Variants in TEX48 observed in about 807,000 individuals in gnomAD.
The protein encoded by TEX48 is testis-expressed protein 48.
Under a neutral mutation model 13.2 loss-of-function variants are expected in TEX48, and 10 were observed. The observed-to-expected ratio is 0.75, with a 90% CI of 0.47 to 1.28. The LOEUF is 1.28. Among genes scored for constraint, TEX48 ranks in the 50% most tolerant of loss-of-function variants. The probability of loss-of-function intolerance (pLI) is 0.00; values close to 1 mark genes in which losing one functional copy is unlikely to be tolerated. For missense variants in TEX48, 116 were observed against 139.4 expected, an observed-to-expected ratio of 0.83 and a Z score of 0.84; for synonymous variants, 45 against 52.3, an observed-to-expected ratio of 0.86 and a Z score of 0.60.
At chr9:114,681,114 T>C (rs1828191303) in intron 1 of TEX48, among the ~76,000 whole-genome samples, 1 of 152,214 alleles carries the variant, frequency 6.6e-6, no homozygotes, top group African/African-American at 2.4e-5. Flanking sequence ...TCTTTTTCTC[T>C]CTTTTTAATG....
chr9:114,677,644 T>C (rs962712403), intron 1 of TEX48, among the ~76,000 whole-genome samples: 1 of 152,176 alleles, frequency 6.6e-6, no homozygotes, highest in Non-Finnish European at 1.5e-5. Context: ...CCTGAGTGTC[T>C]GGAGTTTTAC....
chr9:114,677,324 T>A (rs1263557305), intron 1 of TEX48, among the ~76,000 whole-genome samples: 2 of 152,078 alleles, frequency 1.3e-5, no homozygotes, highest in Non-Finnish European at 2.9e-5. Flanking sequence ...TTAGCTCTGA[T>A]GTATTTCATT....
At chr9:114,679,526 T>A (rs767765891) in intron 1 of TEX48, among the ~76,000 whole-genome samples, 1 of 152,176 alleles carries the variant, frequency 6.6e-6, no homozygotes, top group Non-Finnish European at 1.5e-5. Context: ...AAGGGCATTG[T>A]CTATAAATAT....
rs1827880703 is a variant in TEX48 at position 114,668,321 on chromosome 9, CT to C, written c.143del (p.Lys48ArgfsTer24). 2 of 1,535,666 alleles carry C rather than the reference CT, an allele frequency of 1.3e-6. No homozygotes were observed. The highest frequency in any genetic ancestry group is 1.7e-6 in the Non-Finnish European group (2 of 1,146,892). On this transcript the variant is annotated frameshift_variant, in exon 4 of 5. Coordinates refer to ENST00000436752, the MANE Select transcript of TEX48 (RefSeq NM_001199233.2). LOFTEE classifies it high-confidence loss of function. ...TGGGATTTTGTCTGTCAAGCTCATC[CT>C]TCTGAAGCAGCAAATCTGGCAATGA... is the stretch of plus-strand genomic sequence containing the variant. ...KPSTQNLLLQ[K>X]DELDRQNPKR...
chr9:114,674,779 C>T (rs1284854585), intron 1 of TEX48, among the ~76,000 whole-genome samples: 1 of 151,574 alleles, frequency 6.6e-6, no homozygotes, highest in African/African-American at 2.4e-5. Context: ...CTTCTGGGCT[C>T]CTCCTGCCTC....
chr9:114,666,713 TA>T lies in TEX48; in HGVS notation c.292del (p.Tyr98ThrfsTer5). On this transcript the variant is annotated frameshift_variant, in exon 5 of 5. Coordinates refer to ENST00000436752, the MANE Select transcript of TEX48 (RefSeq NM_001199233.2). LOFTEE classifies it high-confidence loss of function. ...GCAGTAGCGGTTTAAGTTTCTCTTG[TA>T]AAAATTTCTTTGGGAAGCATATGCA... The part of the protein sequence containing the change: ...LNAYASQRNF[Y>X]KRNLNRYCQE... 6.5e-7 allele frequency: 1 copy of T among 1,534,918 alleles called. No homozygotes were observed. The highest frequency in any genetic ancestry group is 8.7e-7 in the Non-Finnish European group (1 of 1,146,282).
chr9:114,667,771 C>T (rs1273595410), intron 4 of TEX48, among the ~76,000 whole-genome samples: 7 of 151,798 alleles, frequency 4.6e-5, no homozygotes, highest in African/African-American at 1.5e-4. Flanking sequence ...TGTTGGTGGG[C>T]GCCTGTAATC....
intron 1 of TEX48, among the ~76,000 whole-genome samples, chr9:114,679,226 A>T (rs1422728729): frequency 2.0e-5 from 3 of 151,250 alleles, no homozygotes. Context: ...CCATTAGTGT[A>T]GATATCTTGA....
chr9:114,671,083 G>A (rs542659399), intron 3 of TEX48, among the ~76,000 whole-genome samples: 9 of 152,272 alleles, frequency 5.9e-5, no homozygotes, highest in African/African-American at 2.2e-4. Flanking sequence ...TTTACCTGGA[G>A]ATCCTGTTAA....
intron 1 of TEX48, among the ~76,000 whole-genome samples, chr9:114,676,435 G>A (rs534304401): frequency 1.4e-4 from 22 of 152,032 alleles, no homozygotes; most frequent in African/African-American, 5.3e-4. Context: ...CTCCAAAAGT[G>A]CTGGGTTATA....
intron 1 of TEX48, among the ~76,000 whole-genome samples, chr9:114,677,592 G>A (rs1408155922): frequency 1.3e-5 from 2 of 152,174 alleles, no homozygotes; most frequent in Non-Finnish European, 2.9e-5. Context: ...CATAAGAAAG[G>A]AATGGAAGCA....
Position 114,671,977 on chromosome 9 carries a change from G to A in TEX48, c.-104-150C>T, listed in dbSNP as rs1564316330. ...CAGATAGCTCTGTGTCCTACCCCAT[G>A]AACAGGTGCATGTTCTTAGGTGGAT... On this transcript the variant is annotated intron_variant, in intron 1 of 4. Transcript: ENST00000436752. The A allele has an allele frequency of 2.9e-5, 16 of 553,906 alleles. No homozygotes were observed. The South Asian group carries it at 3.4e-4, about 12-fold the overall frequency. 34.3% of individuals were successfully genotyped at this position (553,906 alleles called of 1,614,324 possible).
chr9:114,675,680 C>T (rs1039097656), intron 1 of TEX48, among the ~76,000 whole-genome samples: 1 of 152,214 alleles, frequency 6.6e-6, no homozygotes, highest in Admixed American at 6.5e-5. Flanking sequence ...AATCCTATCT[C>T]TCTTCTGCCC....
intron 3 of TEX48, 125 bp downstream of exon 3, chr9:114,671,258 C>T (rs1015126677): frequency 4.3e-6 from 5 of 1,155,064 alleles, no homozygotes; most frequent in Non-Finnish European, 4.8e-6. Flanking sequence ...ACACCCACCT[C>T]ATTTTAAATT....
At chr9:114,681,195 C>T (rs1828193049) in intron 1 of TEX48, among the ~76,000 whole-genome samples, 1 of 152,074 alleles carries the variant, frequency 6.6e-6, no homozygotes, top group Admixed American at 6.5e-5. Context: ...CCGTGGAGAT[C>T]GTCCGTATTA....
At chr9:114,669,921 G>A (rs1827914962) in intron 3 of TEX48, among the ~76,000 whole-genome samples, 1 of 152,170 alleles carries the variant, frequency 6.6e-6, no homozygotes. Flanking sequence ...TGTTGTATAT[G>A]AGACTTTGTC....
At position 114,666,440 on chromosome 9, in the gene TEX48, G is replaced by A; in HGVS notation, c.*203C>T. The A allele has an allele frequency of 2.1e-6, 1 of 486,688 alleles. No homozygotes were observed. Among genetic ancestry groups the A allele is most frequent in the Middle Eastern group, 5.5e-4 (1 of 1,832 alleles). 30.1% of individuals were successfully genotyped at this position (486,688 alleles called of 1,614,324 possible). A position where few individuals can be genotyped will look rare whatever the true frequency, so the allele number is the denominator to read the frequency against. ...AAAAGAGAAGGACACATCCTCTGGT[G>A]CAATCAAGAACTTTAATTGGAGGCA... On this transcript the variant is annotated 3_prime_UTR_variant, in exon 5 of 5. Transcript: ENST00000436752.
chr9:114,666,556 T>G lies in TEX48; in HGVS notation c.*87A>C. On this transcript the variant is annotated 3_prime_UTR_variant, in exon 5 of 5. Transcript: ENST00000436752. ...GATGTCTTCTCCTCCTTCAGGGGAGTTTCCGAATTAGTCTTCATGACTCCT... is the reference window on the plus strand; with the variant it reads ...GATGTCTTCTCCTCCTTCAGGGGAGGTTCCGAATTAGTCTTCATGACTCCT... The G allele has an allele frequency of 1.4e-6, 1 of 718,918 alleles. No homozygotes were observed. The highest frequency in any genetic ancestry group is 2.2e-6 in the Non-Finnish European group (1 of 449,674). The allele number at this position is 718,918 out of a possible 1,614,324, so 44.5% of individuals were successfully genotyped here.
rs1827845087 is a variant in TEX48, at chr9:114,666,569, C to T, written c.*74G>A. ...CCTTCAGGGGAGTTTCCGAATTAGT[C>T]TTCATGACTCCTGTCCACCGCCCTC... On this transcript the variant is annotated 3_prime_UTR_variant, in exon 5 of 5. Coordinates refer to ENST00000436752, the MANE Select transcript of TEX48 (RefSeq NM_001199233.2). 1 of 834,052 alleles carries T rather than the reference C, an allele frequency of 1.2e-6. No individual in the cohort carries two copies. Among genetic ancestry groups the T allele is most frequent in the Non-Finnish European group, 1.8e-6 (1 of 547,646 alleles). The allele number at this position is 834,052 out of a possible 1,614,324, so 51.7% of individuals were successfully genotyped here. A position where few individuals can be genotyped will look rare whatever the true frequency, so the allele number is the denominator to read the frequency against.
Sources: allele counts gnomAD v4.1 joint callset (sites outside exome capture counted in the v4.1 genomes callset), GRCh38; gene constraint gnomAD v4.1.1; transcripts MANE v1.5; gene names NCBI Gene and HGNC (gene_info 2026-07-23, HGNC 2026-07-21).